KCNH5: variants seen among roughly 807,000 people sequenced by gnomAD.
KCNH5 encodes potassium voltage-gated channel subfamily H member 5.
A neutral mutation model predicts 96.1 loss-of-function variants in KCNH5; 46 were observed. The observed-to-expected ratio is 0.48, with a 90% CI of 0.38 to 0.61. KCNH5 has a LOEUF of 0.61. Ranked by LOEUF, KCNH5 falls within the 20% of genes least tolerant of loss-of-function variation. The pLI is 0.00. For missense variants in KCNH5, 907 were observed against 1,225.8 expected, an observed-to-expected ratio of 0.74 and a Z score of 3.88; for synonymous variants, 439 against 449.8, an observed-to-expected ratio of 0.98 and a Z score of 0.30.
chr14:63,020,803 A>G (rs970916343), intron 1 of KCNH5, among the ~76,000 whole-genome samples: 48 of 152,128 alleles, frequency 3.2e-4, no homozygotes, highest in African/African-American at 1.1e-3. Context: ...TTTTTAAAAC[A>G]CACAAAGAGG....
intron 10 of KCNH5, among the ~76,000 whole-genome samples, chr14:62,711,939 C>G (rs990378775): frequency 2.0e-5 from 3 of 152,190 alleles, no homozygotes; most frequent in African/African-American, 7.2e-5. Flanking sequence ...AAAGCCAACA[C>G]TCTGAGGAGT....
intron 7 of KCNH5, among the ~76,000 whole-genome samples, chr14:62,932,752 CAT>C (rs1477365797): frequency 1.3e-5 from 2 of 151,892 alleles, no homozygotes; most frequent in Admixed American, 6.6e-5. Context: ...GAAAGAAAAA[CAT>C]AACATTTATA....
chr14:62,882,535 G>T (rs1046337386), intron 7 of KCNH5, among the ~76,000 whole-genome samples: 9 of 152,194 alleles, frequency 5.9e-5, no homozygotes, highest in Non-Finnish European at 1.0e-4. Flanking sequence ...GCTGAGGTTT[G>T]CATAGCAGAC....
intron 7 of KCNH5, among the ~76,000 whole-genome samples, chr14:62,911,338 G>T (rs1004777810): frequency 6.7e-6 from 1 of 150,200 alleles, no homozygotes; most frequent in Non-Finnish European, 1.5e-5. Context: ...GAGTGCAGTG[G>T]CGCAATCTCG....
intron 7 of KCNH5, among the ~76,000 whole-genome samples, chr14:62,869,964 T>G (rs1486183730): frequency 6.6e-6 from 1 of 151,938 alleles, no homozygotes; most frequent in African/African-American, 2.4e-5. Context: ...AATTGAAGAT[T>G]TAAACGTAAT....
chr14:62,755,218 C>T (rs1390534478), intron 10 of KCNH5, among the ~76,000 whole-genome samples: 34 of 151,272 alleles, frequency 2.2e-4, no homozygotes, highest in Admixed American at 2.2e-3. Context: ...GAGAGAACAC[C>T]CAAATAAATA....
chr14:62,752,330 G>A (rs567610070), intron 10 of KCNH5, among the ~76,000 whole-genome samples: 1 of 152,100 alleles, frequency 6.6e-6, no homozygotes, highest in East Asian at 2.0e-4. Context: ...GGAGAGAAAA[G>A]AATGAGTGAG....
chr14:63,040,245 G>A (rs952810997), intron 1 of KCNH5, among the ~76,000 whole-genome samples: 12 of 152,192 alleles, frequency 7.9e-5, no homozygotes, highest in Middle Eastern at 3.4e-3. Flanking sequence ...AAGGTGCCTA[G>A]GTAGATGGAT....
intron 3 of KCNH5, among the ~76,000 whole-genome samples, chr14:63,003,624 A>ATTTATATTTATATATATATATATT (rs1891069706): frequency 5.5e-4 from 51 of 92,818 alleles, no homozygotes; most frequent in Admixed American, 1.5e-3. Context: ...ATATATATAT[A>ATTTATATTTATATATATATATATT]TTTTTTTTTT....
chr14:63,030,940 T>C (rs1472505842), intron 1 of KCNH5, among the ~76,000 whole-genome samples: 1 of 152,144 alleles, frequency 6.6e-6, no homozygotes, highest in African/African-American at 2.4e-5. Context: ...CAGCATCACC[T>C]GGGAGTTTAT....
intron 8 of KCNH5, among the ~76,000 whole-genome samples, chr14:62,815,741 T>C (rs74058707): frequency 1.3e-5 from 2 of 151,974 alleles, no homozygotes; most frequent in Non-Finnish European, 2.9e-5. Flanking sequence ...AAATTAGAGA[T>C]GCCAAATAAA....
intron 2 of KCNH5, among the ~76,000 whole-genome samples, chr14:63,015,958 C>T (rs1415369557): frequency 6.6e-6 from 1 of 151,184 alleles, no homozygotes; most frequent in East Asian, 1.9e-4. Context: ...TAATGCTTCT[C>T]AGCATCAATG....
At chr14:63,042,898 A>C (rs1891852560) in intron 1 of KCNH5, among the ~76,000 whole-genome samples, 1 of 152,174 alleles carries the variant, frequency 6.6e-6, no homozygotes, top group Admixed American at 6.5e-5. Context: ...AACACACTTC[A>C]AACAGTTCAG....
rs1200856033 is a variant in KCNH5, at chr14:62,950,296, G to A, written c.1206C>T (p.Tyr402=). The A allele has an allele frequency of 1.2e-6, 2 of 1,614,028 alleles. No individual in the cohort carries two copies. Among genetic ancestry groups the A allele is most frequent in the East Asian group, 2.2e-5 (1 of 44,870 alleles). ...CTTCCCATATCCCAGCACTGGTATTGTAGCGATATGGAGTCCCAATGCTCA... is the reference window on the plus strand; with the variant it reads ...CTTCCCATATCCCAGCACTGGTATTATAGCGATATGGAGTCCCAATGCTCA... ...LALSIGTPYR[Y]NTSAGIWEGG... is the part of the protein sequence containing the mutation. Residue 402 remains tyrosine (Y), a synonymous_variant, in exon 7 of 11, where the codon TAC becomes TAT. Coordinates refer to ENST00000322893, the MANE Select transcript of KCNH5 (RefSeq NM_139318.5).
chr14:62,949,647 G>A (rs1190182461), intron 7 of KCNH5, among the ~76,000 whole-genome samples: 2 of 152,114 alleles, frequency 1.3e-5, no homozygotes, highest in East Asian at 3.8e-4. Flanking sequence ...TCAACCTAGA[G>A]TGGCTATAAT....
chr14:62,913,718 C>G (rs549987555), intron 7 of KCNH5, among the ~76,000 whole-genome samples: 1 of 152,176 alleles, frequency 6.6e-6, no homozygotes, highest in East Asian at 1.9e-4. Context: ...TTACTCTATA[C>G]TAGAAGAAGC....
chr14:62,758,271 A>G (rs60265891), intron 10 of KCNH5, among the ~76,000 whole-genome samples: 6,194 of 152,076 alleles, frequency 0.041, 257 homozygotes, highest in African/African-American at 0.11. Context: ...TGGATTGCTT[A>G]TAATATAAAG....
chr14:63,026,673 T>G (rs1406385557), intron 1 of KCNH5, among the ~76,000 whole-genome samples: 1 of 151,964 alleles, frequency 6.6e-6, no homozygotes, highest in Non-Finnish European at 1.5e-5. Context: ...TCATACCTAC[T>G]GGAATGGCTA....
chr14:62,852,594 CTT>C (rs35441090), intron 7 of KCNH5, among the ~76,000 whole-genome samples: 18 of 147,796 alleles, frequency 1.2e-4, no homozygotes, highest in Admixed American at 2.7e-4. Context: ...AACTAGAGAG[CTT>C]TTTTTTTTTG....
Sources: gnomAD v4.1 joint callset for allele counts (sites outside exome capture counted in the v4.1 genomes callset) on GRCh38, gnomAD v4.1.1 for gene constraint, MANE v1.5 for transcripts, NCBI Gene and HGNC (gene_info 2026-07-23, HGNC 2026-07-21) for gene names.